Variants in BAG1 observed in about 807,000 individuals in gnomAD.
BAG1 encodes the protein BAG family molecular chaperone regulator 1.
BAG1 carries 35 observed loss-of-function variants against 35.5 expected under a neutral mutation model. The observed-to-expected ratio is 0.99, with a 90% CI of 0.75 to 1.31. The LOEUF is 1.31. Among genes scored for constraint, BAG1 ranks in the 50% most tolerant of loss-of-function variants. The probability of loss-of-function intolerance (pLI) is 0.00; values close to 1 mark genes in which losing one functional copy is unlikely to be tolerated. For synonymous variants in BAG1, 191 were observed against 178.9 expected (o/e 1.07, Z -0.54); for missense variants, 464 against 453.6 (o/e 1.02, Z -0.21).
At position 33,262,143 on chromosome 9, in the gene BAG1, G is replaced by C. The variant is rs77199588; in HGVS notation, c.580+559C>G. 4.2e-3 allele frequency: 5,480 copies of C among 1,289,690 alleles called. 215 individuals carry two copies. The African/African-American group carries it at 0.076, about 18-fold the overall frequency. The allele number at this position is 1,289,690 out of a possible 1,614,324, so 79.9% of individuals were successfully genotyped here. A position where few individuals can be genotyped will look rare whatever the true frequency, so the allele number is the denominator to read the frequency against. ...ACTGCCCATGAGCTTCATCGAAAAT[G>C]GTGAGATTTCTGCCATCATCATAAG... On this transcript the variant is annotated intron_variant, in intron 2 of 6. Transcript: ENST00000634734.
chr9:33,263,092 A>T (rs1005958554), intron 1 of BAG1, among the ~76,000 whole-genome samples: 1 of 152,230 alleles, frequency 6.6e-6, no homozygotes, highest in Non-Finnish European at 1.5e-5. Context: ...TAATCCTCAG[A>T]TAAACCCCAC....
At chr9:33,256,577 A>G (rs1338882496) in intron 5 of BAG1, among the ~76,000 whole-genome samples, 1 of 152,218 alleles carries the variant, frequency 6.6e-6, no homozygotes, top group Non-Finnish European at 1.5e-5. Flanking sequence ...GTAAATGATA[A>G]AAGTCCTATG....
intron 4 of BAG1, chr9:33,257,705 A>G (rs1820483898): frequency 6.6e-6 from 1 of 152,264 alleles, no homozygotes; most frequent in Admixed American, 6.5e-5. Context: ...ATAATATTAA[A>G]TGAACAATAC....
intron 4 of BAG1, chr9:33,257,788 A>T (rs1451661386): frequency 6.6e-6 from 1 of 152,238 alleles, no homozygotes; most frequent in East Asian, 1.9e-4. Context: ...CCATCACAGG[A>T]AAATGTTTAA....
intron 1 of BAG1, among the ~76,000 whole-genome samples, chr9:33,263,495 A>G (rs1486273389): frequency 1.3e-5 from 2 of 152,228 alleles, no homozygotes; most frequent in Non-Finnish European, 2.9e-5. Flanking sequence ...TGTGTACAGT[A>G]CATTACACCA....
chr9:33,262,153 C>A (rs1820585333), intron 2 of BAG1: 30 of 1,289,656 alleles, frequency 2.3e-5, no homozygotes, highest in Non-Finnish European at 2.9e-5. Context: ...GGTGAGATTT[C>A]TGCCATCATC....
intron 4 of BAG1, 71 bp from the exon 5 acceptor site, chr9:33,256,979 T>C (rs906053648): frequency 3.5e-6 from 4 of 1,156,366 alleles, no homozygotes; most frequent in Admixed American, 1.7e-5. Context: ...ACAATACTAA[T>C]GATGCAATCA....
Position 33,254,887 on chromosome 9 carries a change from A to C in BAG1, c.*332T>G. 1.5e-6 allele frequency: 1 copy of C among 686,496 alleles called. No homozygotes were observed. Among genetic ancestry groups the C allele is most frequent in the Non-Finnish European group, 2.2e-6 (1 of 463,544 alleles). The allele number at this position is 686,496 out of a possible 1,614,324, so 42.5% of individuals were successfully genotyped here. On this transcript the variant is annotated 3_prime_UTR_variant, in exon 7 of 7. Transcript: ENST00000634734. ...AGACTGAGGGGGCCTATAAACCTGA[A>C]ACTGGCCCAAGGCAAATTAGAGCTC...
chr9:33,260,552 T>A (rs934643221), intron 3 of BAG1: 1 of 152,264 alleles, frequency 6.6e-6, no homozygotes, highest in African/African-American at 2.4e-5. Context: ...AATGCAGGGC[T>A]GGCCACAGCC....
At chr9:33,264,032 C>T (rs890953113) in intron 1 of BAG1, among the ~76,000 whole-genome samples, 192 bp downstream of exon 1, 1 of 152,184 alleles carries the variant, frequency 6.6e-6, no homozygotes. Context: ...CAAAATACAC[C>T]GGCCACATGG....
At chr9:33,259,682 T>C (rs1820529264) in intron 3 of BAG1, 1 of 152,230 alleles carries the variant, frequency 6.6e-6, no homozygotes, top group Non-Finnish European at 1.5e-5. Flanking sequence ...GGTAATCACA[T>C]TTCAGTAAAC....
chr9:33,256,870 G>T lies in BAG1; in HGVS notation c.816C>A (p.Cys272Ter). The change falls in exon 5 of 7, where the codon TGC becomes TGA. Residue 272 changes from cysteine to a stop codon, truncating the protein, a stop_gained. Coordinates refer to ENST00000634734, the MANE Select transcript of BAG1 (RefSeq NM_004323.6). LOFTEE classifies it high-confidence loss of function. ...TGGCTTTTACTCTCCTATCAAGTTT[G>T]CAGAGAGCTTCAGCTTGCAAATCCT... 6.2e-7 allele frequency: 1 copy of T among 1,614,150 alleles called. No individual in the cohort carries two copies. The highest frequency in any genetic ancestry group is 8.5e-7 in the Non-Finnish European group (1 of 1,180,010).
At position 33,264,698 on chromosome 9, in the gene BAG1, C is replaced by G; in HGVS notation, c.-24G>C. 7.4e-7 allele frequency: 1 copy of G among 1,360,026 alleles called. No individual in the cohort carries two copies. The highest frequency in any genetic ancestry group is 2.9e-5 in the East Asian group (1 of 34,298). The allele number at this position is 1,360,026 out of a possible 1,614,324, so 84.2% of individuals were successfully genotyped here. A position where few individuals can be genotyped will look rare whatever the true frequency, so the allele number is the denominator to read the frequency against. ...AGGCCCGCACTTGTTGACCGCCCAG[C>G]GATGGAAGCTGAGCGCGGCGTCTCA... On this transcript the variant is annotated 5_prime_UTR_variant, in exon 1 of 7. Coordinates refer to ENST00000634734, the MANE Select transcript of BAG1 (RefSeq NM_004323.6).
chr9:33,263,980 C>T (rs1054811585), intron 1 of BAG1, among the ~76,000 whole-genome samples: 12 of 152,138 alleles, frequency 7.9e-5, no homozygotes, highest in African/African-American at 2.9e-4. Context: ...ACGTAAAGCA[C>T]GGAGAAGCTC....
In BAG1 at chr9:33,258,782, T is replaced by C. The variant is rs1332613209; in HGVS notation, c.777+138A>G. 1.7e-5 allele frequency: 11 copies of C among 630,982 alleles called. No homozygotes were observed. In the Middle Eastern group the frequency reaches 1.7e-3, roughly 99 times the overall value. 39.1% of individuals were successfully genotyped at this position (630,982 alleles called of 1,614,324 possible). A position where few individuals can be genotyped will look rare whatever the true frequency, so the allele number is the denominator to read the frequency against. ...TGAGGAACTTGAGACAAAGATAAAC[T>C]TGTTCACAGTAAGAGAAAGGGTGAA... On this transcript the variant is annotated intron_variant, in intron 4 of 6. Coordinates refer to ENST00000634734, the MANE Select transcript of BAG1 (RefSeq NM_004323.6).
At chr9:33,260,897 C>T (rs1820554400) in intron 3 of BAG1, among the ~76,000 whole-genome samples, 190 bp downstream of exon 3, 3 of 152,120 alleles carry the variant, frequency 2.0e-5, no homozygotes, top group Admixed American at 6.5e-5. Flanking sequence ...AAGTTCTAAC[C>T]AACAGGAGCA....
At chr9:33,256,732 C>T in intron 5 of BAG1, 69 bp downstream of exon 5, 1 of 1,313,368 alleles carries the variant, frequency 7.6e-7, no homozygotes, top group Non-Finnish European at 1.1e-6. Context: ...GAGTAAATTA[C>T]TGAAAGAGTG....
chr9:33,263,493 G>C (rs115325030), intron 1 of BAG1, among the ~76,000 whole-genome samples: 1,636 of 152,338 alleles, frequency 0.011, 28 homozygotes, highest in African/African-American at 0.038. Flanking sequence ...CCTGTGTACA[G>C]TACATTACAC....
At chr9:33,261,241 A>G in intron 2 of BAG1, 72 bp from the exon 3 acceptor site, 1 of 1,176,602 alleles carries the variant, frequency 8.5e-7, no homozygotes. Flanking sequence ...AGCAGGATAC[A>G]GGAAATAGAC....
Sources: allele counts gnomAD v4.1 joint callset (sites outside exome capture counted in the v4.1 genomes callset), GRCh38; gene constraint gnomAD v4.1.1; transcripts MANE v1.5; gene names NCBI Gene and HGNC (gene_info 2026-07-23, HGNC 2026-07-21).